EXOC2: variants seen among roughly 807,000 people sequenced by gnomAD.
EXOC2 encodes the protein SEC5-like 1.
A neutral mutation model predicts 131.8 loss-of-function variants in EXOC2; 70 were observed. The observed-to-expected ratio is 0.53, with a 90% CI of 0.44 to 0.65. EXOC2 has a LOEUF of 0.65. Among genes scored for constraint, EXOC2 ranks in the 30% least tolerant of loss-of-function variants. The pLI is 0.00. For synonymous variants in EXOC2, 411 were observed against 398.4 expected (o/e 1.03, Z -0.38); for missense variants, 923 against 1,108.6 (o/e 0.83, Z 2.38).
chr6:598,257 C>A, intron 9 of EXOC2, 134 bp from the exon 10 acceptor site: 1 of 635,420 alleles, frequency 1.6e-6, no homozygotes, highest in Non-Finnish European at 2.7e-6. Context: ...GTGATCAGAA[C>A]ACTATCTCCG....
intron 17 of EXOC2, among the ~76,000 whole-genome samples, chr6:561,648 C>T (rs550487990): frequency 2.7e-4 from 41 of 152,134 alleles, no homozygotes; most frequent in South Asian, 6.2e-4. Flanking sequence ...TACAGTGGCG[C>T]GATCTCGGCT....
chr6:583,505 AC>A (rs1759030099), intron 11 of EXOC2, among the ~76,000 whole-genome samples: 1 of 152,132 alleles, frequency 6.6e-6, no homozygotes, highest in Non-Finnish European at 1.5e-5. Context: ...AAAAAAAGAG[AC>A]CTTAATCCAA....
At chr6:494,208 CT>C (rs1237161675) in intron 25 of EXOC2, among the ~76,000 whole-genome samples, 1 of 152,212 alleles carries the variant, frequency 6.6e-6, no homozygotes, top group Non-Finnish European at 1.5e-5. Context: ...AGATTCTCCC[CT>C]AACCAAATTA....
chr6:664,775 T>A (rs973697929), intron 1 of EXOC2, among the ~76,000 whole-genome samples: 1 of 152,166 alleles, frequency 6.6e-6, no homozygotes, highest in Non-Finnish European at 1.5e-5. Context: ...TCTCACCTTA[T>A]ACAAAAATCA....
At chr6:654,537 T>C (rs568429098) in intron 1 of EXOC2, among the ~76,000 whole-genome samples, 1 of 151,688 alleles carries the variant, frequency 6.6e-6, no homozygotes, top group Non-Finnish European at 1.5e-5. Flanking sequence ...TGGTGGCTCA[T>C]GCCTGTAATC....
chr6:658,645 T>TTATATATATATATA (rs373868934), intron 1 of EXOC2, among the ~76,000 whole-genome samples: 7 of 118,334 alleles, frequency 5.9e-5, no homozygotes, highest in African/African-American at 1.9e-4. Context: ...TATATATATT[T>TTATATATATATATA]TATATATATA....
chr6:543,507 G>A (rs1040990668), intron 22 of EXOC2, among the ~76,000 whole-genome samples: 1 of 152,090 alleles, frequency 6.6e-6, no homozygotes, highest in Non-Finnish European at 1.5e-5. Flanking sequence ...GGCATGGCAT[G>A]GTAACCACAG....
At chr6:624,672 G>A (rs113939291) in intron 4 of EXOC2, among the ~76,000 whole-genome samples, 2 of 152,140 alleles carry the variant, frequency 1.3e-5, no homozygotes, top group Non-Finnish European at 2.9e-5. Context: ...TGGGAAATAC[G>A]ATCACAACTA....
At chr6:650,576 C>CGTAT (rs1762785494) in intron 1 of EXOC2, among the ~76,000 whole-genome samples, 1 of 152,122 alleles carries the variant, frequency 6.6e-6, no homozygotes, top group Non-Finnish European at 1.5e-5. Context: ...TTATAGGCAA[C>CGTAT]GTATCTCTGC....
At chr6:552,004 T>C (rs563814770) in intron 21 of EXOC2, among the ~76,000 whole-genome samples, 46 of 152,292 alleles carry the variant, frequency 3.0e-4, no homozygotes, top group African/African-American at 1.1e-3. Flanking sequence ...CCGCGCCCTG[T>C]TGGAGGAGCA....
intron 23 of EXOC2, among the ~76,000 whole-genome samples, chr6:516,636 A>G (rs138400392): frequency 1.3e-5 from 2 of 152,368 alleles, no homozygotes; most frequent in African/African-American, 4.8e-5. Context: ...TGTAGCCAAG[A>G]CCAGGAGGAA....
chr6:620,136 A>G (rs1761209222), intron 4 of EXOC2, among the ~76,000 whole-genome samples: 1 of 152,220 alleles, frequency 6.6e-6, no homozygotes, highest in Non-Finnish European at 1.5e-5. Context: ...CATCTTGCCT[A>G]CATGTTTAAG....
chr6:617,809 G>T lies in EXOC2; in HGVS notation c.563C>A (p.Thr188Asn). 4 of 1,613,568 alleles carry T rather than the reference G, an allele frequency of 2.5e-6. No individual in the cohort carries two copies. The highest frequency in any genetic ancestry group is 3.4e-6 in the Non-Finnish European group (4 of 1,179,770). ...TSFEQLKMAV[T>N]NLKRQANKKS... ...CTTGTTAGCCTGTCTCTTTAGGTTG[G>T]TGACTGCCATTTTGAGCTGCTCAAA... Residue 188 changes from threonine to asparagine, a missense_variant, in exon 6 of 28, where the codon ACC becomes AAC. Coordinates refer to ENST00000230449, the MANE Select transcript of EXOC2 (RefSeq NM_018303.6).
rs137859222 is a variant in EXOC2 at position 663,591 on chromosome 6, G to C, written c.-43-25730C>G. ...ACATATCAAAAAGATAATCCACCAT[G>C]ATCAAGGGAGTTTCATACCAGGGAT... On this transcript the variant is annotated intron_variant, in intron 1 of 27. Transcript: ENST00000230449. Among the ~76,000 whole-genome samples the C allele has an allele frequency of 4.2e-4, 64 of 152,288 alleles. 1 individual carries two copies. Among genetic ancestry groups the C allele is most frequent in the Middle Eastern group, 6.8e-3 (2 of 294 alleles).
chr6:544,928 A>G (rs537664832), intron 22 of EXOC2, among the ~76,000 whole-genome samples: 2 of 151,980 alleles, frequency 1.3e-5, no homozygotes, highest in Admixed American at 6.5e-5. Context: ...CGGGTGGATC[A>G]TGAGGTCAGG....
chr6:529,693 G>GA (rs1344208234), intron 23 of EXOC2, among the ~76,000 whole-genome samples: 1 of 152,092 alleles, frequency 6.6e-6, no homozygotes, highest in East Asian at 1.9e-4. Context: ...TGAATCACAG[G>GA]AAAAGATATG....
chr6:593,977 A>C (rs922447566), intron 10 of EXOC2, among the ~76,000 whole-genome samples: 1 of 152,236 alleles, frequency 6.6e-6, no homozygotes, highest in Non-Finnish European at 1.5e-5. Context: ...GGAGCCGGAT[A>C]TCCAGGCATC....
At chr6:690,318 T>A (rs1348111826) in intron 1 of EXOC2, among the ~76,000 whole-genome samples, 3 of 152,192 alleles carry the variant, frequency 2.0e-5, no homozygotes, top group African/African-American at 7.2e-5. Context: ...ACTGTGCCAC[T>A]GCACTCTAGC....
At chr6:590,381 G>GA (rs1759475007) in intron 11 of EXOC2, among the ~76,000 whole-genome samples, 2 of 152,004 alleles carry the variant, frequency 1.3e-5, no homozygotes, top group African/African-American at 4.8e-5. Context: ...ACCAAGCATA[G>GA]AAAAAAATGG....
Sources: gnomAD v4.1 joint callset for allele counts (sites outside exome capture counted in the v4.1 genomes callset) on GRCh38, gnomAD v4.1.1 for gene constraint, MANE v1.5 for transcripts, NCBI Gene and HGNC (gene_info 2026-07-23, HGNC 2026-07-21) for gene names.